Variants in ERICH1 observed in about 807,000 individuals in gnomAD.
ERICH1 encodes the protein glutamate rich 1, also known as glutamate-rich protein 1.
Under a neutral mutation model 39.6 loss-of-function variants are expected in ERICH1, and 56 were observed. That is an observed-to-expected ratio of 1.41 (90% confidence interval 1.14 to 1.77). ERICH1 has a LOEUF of 1.77. ERICH1 is among the 40% of genes most tolerant of loss of function. The pLI is 0.00. For missense variants in ERICH1, 826 were observed against 575.4 expected (o/e 1.44, Z -4.45); for synonymous variants, 313 against 223.6 (o/e 1.40, Z -3.57).
chr8:621,484 T>G (rs572024263), intron 3 of ERICH1, among the ~76,000 whole-genome samples: 17 of 151,872 alleles, frequency 1.1e-4, no homozygotes, highest in Non-Finnish European at 2.1e-4. Flanking sequence ...TTTTGTCAAC[T>G]ATATGTTAAT....
intron 3 of ERICH1, among the ~76,000 whole-genome samples, chr8:678,880 C>G (rs1026971489): frequency 1.3e-5 from 2 of 152,140 alleles, no homozygotes; most frequent in African/African-American, 2.4e-5. Flanking sequence ...TGACCCCTGA[C>G]GACTCCAACG....
At chr8:726,749 C>T (rs181391579) in intron 1 of ERICH1, among the ~76,000 whole-genome samples, 34 of 151,522 alleles carry the variant, frequency 2.2e-4, no homozygotes, top group East Asian at 9.7e-4. Context: ...TGCATGTACA[C>T]GCACACCACA....
In ERICH1 at chr8:647,019, A is replaced by T. The variant is rs1238096450; in HGVS notation, c.976+21579T>A. ...GGGTCCTCATTTAATCCTTCTCAAA[A>T]TCCCGTGAGGGTGAGCATCATCCCA... On this transcript the variant is annotated intron_variant, in intron 3 of 3. Transcript: ENST00000522706. Among the ~76,000 whole-genome samples the T allele has an allele frequency of 8.6e-5, 6 of 69,492 alleles. 3 individuals carry two copies. The East Asian group carries it at 1.8e-3, about 21-fold the overall frequency. The allele number at this position is 69,492 out of a possible 152,430, so 45.6% of individuals were successfully genotyped here.
intron 1 of ERICH1, among the ~76,000 whole-genome samples, chr8:720,216 G>A (rs1293292725): frequency 2.0e-5 from 3 of 152,204 alleles, no homozygotes; most frequent in Non-Finnish European, 4.4e-5. Flanking sequence ...GCAAATGCAG[G>A]CCGCGCAGAC....
intron 3 of ERICH1, among the ~76,000 whole-genome samples, chr8:657,502 T>C (rs779112138): frequency 6.6e-6 from 1 of 151,742 alleles, no homozygotes; most frequent in African/African-American, 2.4e-5. Context: ...TTGAATCAAG[T>C]AGAACTCACA....
intron 1 of ERICH1, among the ~76,000 whole-genome samples, chr8:716,771 G>A (rs138833991): frequency 1.3e-5 from 2 of 152,236 alleles, no homozygotes; most frequent in East Asian, 3.9e-4. Context: ...TAGGAACAGG[G>A]AGGCAGGGAC....
intron 1 of ERICH1, chr8:725,929 T>C (rs1410918061): frequency 6.6e-6 from 1 of 152,364 alleles, no homozygotes; most frequent in Non-Finnish European, 1.5e-5. Flanking sequence ...TCCTTGAAGA[T>C]GGGAAAAGAG....
intron 2 of ERICH1, among the ~76,000 whole-genome samples, chr8:701,090 C>G (rs1003119757): frequency 2.4e-5 from 3 of 124,138 alleles, no homozygotes; most frequent in Admixed American, 8.4e-5. Flanking sequence ...TTTGCTGCAA[C>G]TTGACCTGAT....
At chr8:699,838 G>GGCGCACAGACCCACACAC (rs1811381500) in intron 2 of ERICH1, among the ~76,000 whole-genome samples, 1 of 58,384 alleles carries the variant, frequency 1.7e-5, no homozygotes, top group African/African-American at 6.1e-5. Flanking sequence ...GACCCGCACA[G>GGCGCACAGACCCACACAC]GCGCACAGAC....
chr8:701,098 G>C (rs1437304000), intron 2 of ERICH1, among the ~76,000 whole-genome samples: 1 of 71,198 alleles, frequency 1.4e-5, no homozygotes, highest in East Asian at 2.5e-4. Context: ...AACTTGACCT[G>C]ATTTTAAACA....
chr8:712,203 C>T (rs1347374267), intron 2 of ERICH1, among the ~76,000 whole-genome samples: 1 of 152,138 alleles, frequency 6.6e-6, no homozygotes, highest in African/African-American at 2.4e-5. Flanking sequence ...GGATATTAAT[C>T]AGGATTGTAT....
intron 2 of ERICH1, among the ~76,000 whole-genome samples, chr8:702,656 C>A (rs1305908418): frequency 6.6e-6 from 1 of 152,268 alleles, no homozygotes; most frequent in African/African-American, 2.4e-5. Context: ...TCACCACACT[C>A]AGCACCAGGT....
intron 3 of ERICH1, among the ~76,000 whole-genome samples, chr8:618,625 G>T (rs991520209): frequency 6.6e-6 from 1 of 152,212 alleles, no homozygotes; most frequent in African/African-American, 2.4e-5. Flanking sequence ...CCTCAGCTGT[G>T]AAATGGGTGT....
chr8:719,816 T>C (rs145606114), intron 1 of ERICH1, among the ~76,000 whole-genome samples: 3 of 152,332 alleles, frequency 2.0e-5, no homozygotes, highest in African/African-American at 7.2e-5. Context: ...CCAAGGACCA[T>C]CACCCTGTAC....
intron 3 of ERICH1, among the ~76,000 whole-genome samples, chr8:677,579 C>A (rs1000214752): frequency 2.6e-5 from 4 of 152,186 alleles, no homozygotes; most frequent in African/African-American, 9.6e-5. Context: ...GACCAACCAG[C>A]CTGGTCCAGA....
At chr8:663,497 G>A (rs1405550592), downstream of ERICH1, among the ~76,000 whole-genome samples, 2 of 149,128 alleles carry the variant, frequency 1.3e-5, no homozygotes, top group East Asian at 2.1e-4. Context: ...CCCACACAGC[G>A]TCTGGGACAC....
chr8:727,205 C>T (rs972101465), intron 1 of ERICH1, among the ~76,000 whole-genome samples: 6 of 152,076 alleles, frequency 3.9e-5, no homozygotes, highest in African/African-American at 1.2e-4. Context: ...TACACAGACA[C>T]GTGCACACAT....
intron 3 of ERICH1, among the ~76,000 whole-genome samples, chr8:651,739 G>C (rs1272659599): frequency 6.9e-6 from 1 of 144,534 alleles, no homozygotes; most frequent in African/African-American, 2.6e-5. Context: ...GAAGACTGAG[G>C]GGAGAGAGAG....
chr8:654,944 T>G (rs1800433423), intron 3 of ERICH1, among the ~76,000 whole-genome samples: 1 of 152,202 alleles, frequency 6.6e-6, no homozygotes, highest in Non-Finnish European at 1.5e-5. Context: ...GGTGACCAAA[T>G]CCTCTCAGGC....
Sources: allele counts gnomAD v4.1 joint callset (sites outside exome capture counted in the v4.1 genomes callset), GRCh38; gene constraint gnomAD v4.1.1; transcripts MANE v1.5; gene names NCBI Gene and HGNC (gene_info 2026-07-23, HGNC 2026-07-21).